Variants in RPS6KA2 observed in about 807,000 individuals in gnomAD.
The protein encoded by RPS6KA2 is ribosomal protein S6 kinase alpha-2.
A neutral mutation model predicts 91.8 loss-of-function variants in RPS6KA2; 42 were observed. The ratio of observed to expected loss-of-function variants is 0.46; its 90% CI spans 0.36 to 0.59. The LOEUF is 0.59. Among genes scored for constraint, RPS6KA2 ranks in the 20% least tolerant of loss-of-function variants. RPS6KA2 has a pLI of 0.00. For synonymous variants in RPS6KA2, 414 were observed against 393.6 expected (o/e 1.05, Z -0.61); for missense variants, 798 against 978.5 (o/e 0.82, Z 2.46).
rs1395290637 is a variant in RPS6KA2, at chr6:166,737,385, CTTAA to C, written c.123+120811_123+120814del. ...AGTTTGCTTTTCACTCTAAAAAGTG[CTTAA>C]TTGTCTCCCTTAGATTTGTAGGCAT... On this transcript the variant is annotated intron_variant, in intron 2 of 21. Coordinates refer to the RPS6KA2 transcript ENST00000503859. This position sits in a 1 kb window ranked among gnomAD's most constrained non-coding sequence, Gnocchi z 4.3. Among the ~76,000 whole-genome samples the C allele has an allele frequency of 6.6e-6, 1 of 152,248 alleles. No individual in the cohort carries two copies. The highest frequency in any genetic ancestry group is 1.9e-4 in the East Asian group (1 of 5,180).
rs994804388 is a variant in RPS6KA2 at position 166,804,637 on chromosome 6, G to A, written c.123+53563C>T. ...GAGTATTATATATTTATCTATATAC[G>A]TTAGGTATCATATATTTATGTGTTT... On this transcript the variant is annotated intron_variant, in intron 2 of 21. Coordinates refer to the RPS6KA2 transcript ENST00000503859. 7.2e-5 allele frequency among the ~76,000 whole-genome samples: 11 copies of A among 151,954 alleles called. No individual in the cohort carries two copies. In the East Asian group the frequency reaches 1.2e-3, roughly 16 times the overall value.
chr6:166,623,726 G>A (rs1241184632), intron 1 of RPS6KA2, among the ~76,000 whole-genome samples: 9 of 152,194 alleles, frequency 5.9e-5, no homozygotes, highest in Non-Finnish European at 8.8e-5. Context: ...GGGTCTTGCG[G>A]TCACTGAGAC....
At chr6:166,692,692 T>C (rs1789245793) in intron 2 of RPS6KA2, among the ~76,000 whole-genome samples, 1 of 152,242 alleles carries the variant, frequency 6.6e-6, no homozygotes, top group Non-Finnish European at 1.5e-5. Context: ...CTAACTGGCC[T>C]GTTTGGCTTC....
intron 1 of RPS6KA2, among the ~76,000 whole-genome samples, chr6:166,552,625 C>T (rs1010723678): frequency 9.2e-5 from 14 of 152,198 alleles, no homozygotes; most frequent in Admixed American, 7.9e-4. Flanking sequence ...CTGGACCACA[C>T]GCCTTGCCTG....
At chr6:166,552,446 T>A (rs1283743344) in intron 1 of RPS6KA2, among the ~76,000 whole-genome samples, 4 of 152,184 alleles carry the variant, frequency 2.6e-5, no homozygotes, top group Non-Finnish European at 4.4e-5. Flanking sequence ...GCGAAAGATG[T>A]GGGCTTGAGA....
intron 2 of RPS6KA2, among the ~76,000 whole-genome samples, chr6:166,748,613 T>TC (rs1562416301): frequency 2.7e-4 from 5 of 18,662 alleles, no homozygotes; most frequent in Non-Finnish European, 4.0e-4. Flanking sequence ...CCCATTTCCC[T>TC]GGGCCCCCAC....
chr6:166,838,338 G>C (rs943882799), intron 2 of RPS6KA2, among the ~76,000 whole-genome samples: 1 of 152,210 alleles, frequency 6.6e-6, no homozygotes, highest in African/African-American at 2.4e-5. Flanking sequence ...GCAAGGATGA[G>C]AGTGTCAGCG....
chr6:166,686,094 T>C (rs1433723822), intron 2 of RPS6KA2, among the ~76,000 whole-genome samples: 3 of 152,076 alleles, frequency 2.0e-5, no homozygotes, highest in Admixed American at 2.0e-4. Flanking sequence ...GGATCGAGAA[T>C]CTTATTTGGC....
At chr6:166,768,523 G>A (rs1050625226) in intron 2 of RPS6KA2, among the ~76,000 whole-genome samples, 10 of 152,290 alleles carry the variant, frequency 6.6e-5, no homozygotes. Flanking sequence ...CTGAGTCTGT[G>A]TTAGGAGTTT....
At chr6:166,680,270 CACCAATCAGCACTCTGTCAAAACTG>C (rs1434336744) in intron 2 of RPS6KA2, among the ~76,000 whole-genome samples, 3 of 152,224 alleles carry the variant, frequency 2.0e-5, no homozygotes, top group Non-Finnish European at 4.4e-5. Context: ...TTCGTAAACA[CACCAATCAGCACTCTGTCAAAACTG>C]ACCAATCAGC....
chr6:166,809,808 G>A (rs1779583325), intron 2 of RPS6KA2, among the ~76,000 whole-genome samples: 1 of 152,198 alleles, frequency 6.6e-6, no homozygotes, highest in Admixed American at 6.5e-5. Context: ...GGCAGCCAAT[G>A]ACTCAGAACT....
rs1313512868 is a variant in RPS6KA2, at chr6:166,648,093, C to T, written c.124-109309G>A. Among the ~76,000 whole-genome samples the T allele has an allele frequency of 4.9e-5, 7 of 142,418 alleles. No homozygotes were observed. Among genetic ancestry groups the T allele is most frequent in the South Asian group, 2.4e-4 (1 of 4,222 alleles). The allele number at this position is 142,418 out of a possible 152,430, so 93.4% of individuals were successfully genotyped here. A position where few individuals can be genotyped will look rare whatever the true frequency, so the allele number is the denominator to read the frequency against. On this transcript the variant is annotated intron_variant, in intron 2 of 21. Coordinates refer to the RPS6KA2 transcript ENST00000503859. This position sits in a 1 kb window ranked among gnomAD's most constrained non-coding sequence, Gnocchi z 4.8. ...GCACACGCACATGGTCATACACACA[C>T]GCTCATACACACACGTGCACACACA...
At chr6:166,510,045 C>T (rs1782407635) in intron 4 of RPS6KA2, among the ~76,000 whole-genome samples, 2 of 152,126 alleles carry the variant, frequency 1.3e-5, no homozygotes, top group Admixed American at 1.3e-4. Flanking sequence ...GATACCCCAT[C>T]TAAAATTAGA....
intron 2 of RPS6KA2, among the ~76,000 whole-genome samples, chr6:166,810,296 T>C (rs1779596665): frequency 6.6e-6 from 1 of 152,060 alleles, no homozygotes; most frequent in South Asian, 2.1e-4. Context: ...CCATATCAGA[T>C]GATGTGTGGG....
chr6:166,862,099 T>C (rs777690221), intron 1 of RPS6KA2: 2 of 1,614,234 alleles, frequency 1.2e-6, no homozygotes, highest in Non-Finnish European at 1.7e-6. Context: ...CGTTCTCTCC[T>C]GCACTCACCT....
chr6:166,429,878 G>A (rs773693373), intron 16 of RPS6KA2, among the ~76,000 whole-genome samples: 2 of 151,902 alleles, frequency 1.3e-5, no homozygotes, highest in Non-Finnish European at 2.9e-5. Context: ...TTTTTCTCTT[G>A]TTAACCTGTC....
chr6:166,587,739 G>A (rs1382462223), intron 1 of RPS6KA2, among the ~76,000 whole-genome samples: 1 of 151,922 alleles, frequency 6.6e-6, no homozygotes, highest in Non-Finnish European at 1.5e-5. Context: ...AAGGGCCCAC[G>A]TCTCTGAAAA....
intron 1 of RPS6KA2, among the ~76,000 whole-genome samples, chr6:166,578,211 G>A (rs1233625391): frequency 6.6e-6 from 1 of 152,172 alleles, no homozygotes; most frequent in Non-Finnish European, 1.5e-5. Context: ...CCCTCAAGAT[G>A]CTGGGCAACG....
At chr6:166,801,013 GTGA>G (rs1306478114) in intron 2 of RPS6KA2, among the ~76,000 whole-genome samples, 1 of 152,210 alleles carries the variant, frequency 6.6e-6, no homozygotes, top group African/African-American at 2.4e-5. Context: ...AGAAATGAGA[GTGA>G]TACTGAGAAA....
Sources: allele counts gnomAD v4.1 joint callset (sites outside exome capture counted in the v4.1 genomes callset), GRCh38; gene constraint gnomAD v4.1.1; non-coding constraint Gnocchi (gnomAD v3.1); transcripts MANE v1.5; gene names NCBI Gene and HGNC (gene_info 2026-07-23, HGNC 2026-07-21).